IL1RAPL1: variants seen among roughly 807,000 people sequenced by gnomAD.
IL1RAPL1 encodes the protein interleukin-1 receptor accessory protein-like 1.
Under a neutral mutation model 48.4 loss-of-function variants are expected in IL1RAPL1, and 3 were observed. The observed-to-expected ratio is 0.06, with a 90% CI of 0.03 to 0.16. The LOEUF (loss-of-function observed/expected upper bound fraction) is 0.16, where lower values mean the gene tolerates loss of function less well. Ranked by LOEUF, IL1RAPL1 falls within the 10% of genes least tolerant of loss-of-function variation. The pLI, the probability that IL1RAPL1 is intolerant of heterozygous loss-of-function variation, is 1.00. For missense variants in IL1RAPL1, 349 were observed against 530.6 expected (o/e 0.66, Z 3.36); for synonymous variants, 185 against 187.7 (o/e 0.99, Z 0.12).
At position 29,344,079 on chromosome X, in the gene IL1RAPL1, A is replaced by G. The variant is rs186156310; in HGVS notation, c.363-52179A>G. ...ATACATATGAAAATATTCCATTTTTATGCTTATGTTTTCGTTATTCAATAG... is the reference window on the plus strand; with the variant it reads ...ATACATATGAAAATATTCCATTTTTGTGCTTATGTTTTCGTTATTCAATAG... On this transcript the variant is annotated intron_variant, in intron 3 of 10. Transcript: ENST00000378993. Among the ~76,000 whole-genome samples, 11 of 112,680 alleles carry G rather than the reference A, an allele frequency of 9.8e-5. No homozygotes were observed. The East Asian group carries it at 2.8e-3, about 29-fold the overall frequency.
intron 6 of IL1RAPL1, among the ~76,000 whole-genome samples, chrX:29,809,479 G>A (rs755515433): frequency 7.2e-5 from 8 of 110,920 alleles, no homozygotes; most frequent in Non-Finnish European, 1.3e-4. Flanking sequence ...CTTAACTTAC[G>A]AAATCTACTT....
chrX:29,897,345 G>T (rs762602417), intron 6 of IL1RAPL1, among the ~76,000 whole-genome samples: 1 of 111,503 alleles, frequency 9.0e-6, no homozygotes, highest in Admixed American at 9.5e-5. Context: ...TAAGATGAAT[G>T]ATCTTGATTA....
At chrX:29,230,570 C>A (rs1196519091) in intron 2 of IL1RAPL1, among the ~76,000 whole-genome samples, 2 of 97,118 alleles carry the variant, frequency 2.1e-5, no homozygotes, top group Non-Finnish European at 4.0e-5. Context: ...CGCTTTTTGT[C>A]AGCCTATTTC....
At chrX:29,129,039 C>CTTTTTT (rs62772160) in intron 2 of IL1RAPL1, among the ~76,000 whole-genome samples, 6 of 62,357 alleles carry the variant, frequency 9.6e-5, no homozygotes, top group Admixed American at 2.0e-4. Context: ...TACCTAGAAT[C>CTTTTTT]TTTTTTTTTT....
chrX:29,233,533 T>G (rs1931238268), intron 2 of IL1RAPL1, among the ~76,000 whole-genome samples: 1 of 111,297 alleles, frequency 9.0e-6, no homozygotes, highest in Middle Eastern at 4.6e-3. Context: ...TTCATCAGGA[T>G]ACTTTGCAAA....
intron 6 of IL1RAPL1, among the ~76,000 whole-genome samples, chrX:29,843,108 A>G (rs1239397397): frequency 8.9e-6 from 1 of 112,294 alleles, no homozygotes; most frequent in African/African-American, 3.2e-5. Context: ...TGAGGGCTTG[A>G]GAACAACCTC....
chrX:29,802,975 A>T (rs1160522731), intron 6 of IL1RAPL1, among the ~76,000 whole-genome samples: 6 of 79,466 alleles, frequency 7.6e-5, no homozygotes, highest in African/African-American at 3.1e-4. Context: ...GTACATATAT[A>T]CATACATGTG....
chrX:29,689,194 T>C (rs939857975), intron 6 of IL1RAPL1, among the ~76,000 whole-genome samples: 3 of 111,852 alleles, frequency 2.7e-5, no homozygotes, highest in Non-Finnish European at 5.6e-5. Context: ...GGAGATAATA[T>C]ATCTTTCTCC....
At chrX:29,912,541 T>A (rs1338350107) in intron 6 of IL1RAPL1, among the ~76,000 whole-genome samples, 2 of 111,890 alleles carry the variant, frequency 1.8e-5, no homozygotes, top group East Asian at 2.8e-4. Flanking sequence ...AGAAATATGT[T>A]CCAAAGTCTA....
chrX:28,833,943 T>A (rs1234172373), intron 2 of IL1RAPL1, among the ~76,000 whole-genome samples: 1 of 112,344 alleles, frequency 8.9e-6, no homozygotes, highest in Non-Finnish European at 1.9e-5. Context: ...ATGTAAACAT[T>A]AAGTTAATGT....
intron 2 of IL1RAPL1, among the ~76,000 whole-genome samples, chrX:29,096,774 T>C (rs2147460544): frequency 9.0e-6 from 1 of 110,531 alleles, no homozygotes; most frequent in African/African-American, 3.3e-5. Flanking sequence ...TTGATTTTCT[T>C]TGAGGTCCAA....
intron 5 of IL1RAPL1, among the ~76,000 whole-genome samples, chrX:29,404,517 G>A (rs1029119069): frequency 1.8e-5 from 2 of 111,118 alleles, no homozygotes; most frequent in South Asian, 7.5e-4. Context: ...AAAACGCTGT[G>A]TAGTACAGAT....
intron 2 of IL1RAPL1, among the ~76,000 whole-genome samples, chrX:29,222,299 C>T (rs1358508805): frequency 2.7e-5 from 3 of 111,696 alleles, no homozygotes; most frequent in African/African-American, 6.5e-5. Flanking sequence ...TCATTTCTGC[C>T]TAACTTCTAT....
chrX:29,197,707 ATT>A lies in IL1RAPL1; in HGVS notation c.83-85214_83-85213del, dbSNP rs201963010. 9.9e-3 allele frequency among the ~76,000 whole-genome samples: 926 copies of A among 93,752 alleles called. 9 individuals carry two copies. Among genetic ancestry groups the A allele is most frequent in the African/African-American group, 0.033 (799 of 23,955 alleles). The allele number at this position is 93,752 out of a possible 115,157, so 81.4% of individuals were successfully genotyped here. A position where few individuals can be genotyped will look rare whatever the true frequency, so the allele number is the denominator to read the frequency against. ...TCTTTAAGGAGGTATTTCAGTGAGA[ATT>A]TTTTTTTTTTTTTTTTGAGATGGAG... On this transcript the variant is annotated intron_variant, in intron 2 of 10. Transcript: ENST00000378993.
intron 2 of IL1RAPL1, among the ~76,000 whole-genome samples, chrX:29,131,620 A>G (rs1382865699): frequency 9.0e-6 from 1 of 111,256 alleles, no homozygotes; most frequent in African/African-American, 3.3e-5. Flanking sequence ...CCTTAAGGAT[A>G]TGTAGTCTTT....
intron 2 of IL1RAPL1, among the ~76,000 whole-genome samples, chrX:29,138,652 C>T (rs187365321): frequency 9.3e-6 from 1 of 107,586 alleles, no homozygotes; most frequent in Non-Finnish European, 1.9e-5. Context: ...TAATGCGTGC[C>T]TGTAATCCCA....
chrX:29,704,099 T>C (rs895092111), intron 6 of IL1RAPL1, among the ~76,000 whole-genome samples: 3 of 108,586 alleles, frequency 2.8e-5, no homozygotes, highest in Non-Finnish European at 5.7e-5. Context: ...ATTTTTATTT[T>C]ATTTTTTTTT....
intron 2 of IL1RAPL1, among the ~76,000 whole-genome samples, chrX:29,209,382 A>G (rs1178794070): frequency 9.0e-6 from 1 of 111,326 alleles, no homozygotes; most frequent in Non-Finnish European, 1.9e-5. Flanking sequence ...TAGATATTTC[A>G]TTTTTCATCT....
In IL1RAPL1 at chrX:29,362,724, G is replaced by A. The variant is rs1485741071; in HGVS notation, c.363-33534G>A. ...TGACCCATCATTATCCAACGATAAT[G>A]CAGACCTCTTTCATTTGCATTAGAG... On this transcript the variant is annotated intron_variant, in intron 3 of 10. Transcript: ENST00000378993. Among the ~76,000 whole-genome samples, 16 of 111,683 alleles carry A rather than the reference G, an allele frequency of 1.4e-4. No individual in the cohort carries two copies. The Admixed American group carries it at 1.4e-3, about 10-fold the overall frequency.
Sources: gnomAD v4.1 joint callset for allele counts (sites outside exome capture counted in the v4.1 genomes callset) on GRCh38, gnomAD v4.1.1 for gene constraint, MANE v1.5 for transcripts, NCBI Gene and HGNC (gene_info 2026-07-23, HGNC 2026-07-21) for gene names.